Variants in TMEM132D observed in about 807,000 individuals in gnomAD.
TMEM132D encodes mature OL transmembrane protein.
A neutral mutation model predicts 62.3 loss-of-function variants in TMEM132D; 21 were observed. The ratio of observed to expected loss-of-function variants is 0.34; its 90% confidence interval spans 0.24 to 0.49. TMEM132D has a LOEUF of 0.49. Ranked by LOEUF, TMEM132D falls within the 20% of genes least tolerant of loss-of-function variation. TMEM132D has a pLI of 0.99. For missense variants in TMEM132D, 1,346 were observed against 1,402.8 expected, an observed-to-expected ratio of 0.96 and a Z score of 0.65; for synonymous variants, 621 against 575.6, an observed-to-expected ratio of 1.08 and a Z score of -1.13.
chr12:129,233,466 T>C (rs1000709749), intron 4 of TMEM132D, among the ~76,000 whole-genome samples: 37 of 152,172 alleles, frequency 2.4e-4, no homozygotes, highest in Non-Finnish European at 1.2e-4. Context: ...ATAAGATGTA[T>C]TTTTGGTGAG....
intron 1 of TMEM132D, among the ~76,000 whole-genome samples, chr12:129,754,491 T>G (rs1870101903): frequency 6.6e-6 from 1 of 152,062 alleles, no homozygotes; most frequent in Non-Finnish European, 1.5e-5. Context: ...TTGTGACTGA[T>G]AGAATGAGGT....
At chr12:129,423,029 A>T (rs1436318454) in intron 3 of TMEM132D, among the ~76,000 whole-genome samples, 6 of 151,978 alleles carry the variant, frequency 3.9e-5, no homozygotes, top group Admixed American at 1.3e-4. Context: ...TCACTGCCTC[A>T]TCAGAGAAAG....
At chr12:129,626,469 T>C (rs1478926096) in intron 2 of TMEM132D, among the ~76,000 whole-genome samples, 1 of 152,248 alleles carries the variant, frequency 6.6e-6, no homozygotes, top group East Asian at 1.9e-4. Context: ...GCCAATTTTT[T>C]TTTTCTGAGA....
In TMEM132D at chr12:129,429,367, T is replaced by TTTTGTTTG. The variant is rs71082712; in HGVS notation, c.1116-91558_1116-91551dup. On this transcript the variant is annotated intron_variant, in intron 3 of 8. Coordinates refer to ENST00000422113, the MANE Select transcript of TMEM132D (RefSeq NM_133448.3). ...TAATAGAGGAAATTGCTTTATAGTT[T>TTTTGTTTG]TTTGTTTGTTTGTTTGTTTGTTTGT... 6.8e-3 allele frequency among the ~76,000 whole-genome samples: 1,036 copies of TTTTGTTTG among 151,728 alleles called. 7 individuals carry two copies. The highest frequency in any genetic ancestry group is 0.021 in the African/African-American group (873 of 41,298).
intron 3 of TMEM132D, among the ~76,000 whole-genome samples, chr12:129,426,208 C>G (rs1201891121): frequency 6.6e-6 from 1 of 152,140 alleles, no homozygotes; most frequent in African/African-American, 2.4e-5. Flanking sequence ...CATCCCATGA[C>G]TGCCTCATGG....
At chr12:129,131,610 A>AAAAGAAAG (rs36097196) in intron 5 of TMEM132D, among the ~76,000 whole-genome samples, 1,673 of 151,756 alleles carry the variant, frequency 0.011, 32 homozygotes, top group African/African-American at 0.037. Context: ...TCTGTCTAAA[A>AAAAGAAAG]AAAGAAAGAA....
At chr12:129,816,654 G>C (rs1030699484) in intron 1 of TMEM132D, among the ~76,000 whole-genome samples, 3 of 152,114 alleles carry the variant, frequency 2.0e-5, no homozygotes, top group African/African-American at 7.2e-5. Context: ...ATGGAAGAAA[G>C]ATCTATTTTG....
chr12:129,371,075 A>T lies in TMEM132D; in HGVS notation c.1116-33258T>A, dbSNP rs1348567528. Among the ~76,000 whole-genome samples the T allele has an allele frequency of 6.6e-6, 1 of 152,246 alleles. No homozygotes were observed. The highest frequency in any genetic ancestry group is 2.4e-5 in the African/African-American group (1 of 41,464). The stretch of plus-strand genomic sequence containing the variant: ...AAAAAACAGATAAATATTTGATGTG[A>T]TAGACCCAATTACCTTGATTCGATC... On this transcript the variant is annotated intron_variant, in intron 3 of 8. Transcript: ENST00000422113. This position sits in a 1 kb window ranked among gnomAD's most constrained non-coding sequence, Gnocchi z 4.3.
chr12:129,126,953 G>A (rs1202973255), intron 5 of TMEM132D, among the ~76,000 whole-genome samples: 3 of 152,336 alleles, frequency 2.0e-5, no homozygotes, highest in East Asian at 1.9e-4. Context: ...TGTTGGGCAT[G>A]TGATGCCCTG....
At chr12:129,705,258 T>C (rs778503010) in intron 1 of TMEM132D, among the ~76,000 whole-genome samples, 10 of 152,092 alleles carry the variant, frequency 6.6e-5, no homozygotes, top group Non-Finnish European at 1.2e-4. Flanking sequence ...CATTCCCGGG[T>C]TTATATACAT....
chr12:129,814,424 C>G (rs541528636), intron 1 of TMEM132D, among the ~76,000 whole-genome samples: 13 of 152,040 alleles, frequency 8.6e-5, no homozygotes, highest in Non-Finnish European at 1.6e-4. Context: ...GCCTGACCAA[C>G]ATGTAGAAAC....
intron 3 of TMEM132D, among the ~76,000 whole-genome samples, chr12:129,350,546 A>G (rs1207023340): frequency 6.6e-6 from 1 of 152,244 alleles, no homozygotes; most frequent in Non-Finnish European, 1.5e-5. Context: ...GGGATGGGTA[A>G]CATAAATACA....
intron 1 of TMEM132D, among the ~76,000 whole-genome samples, chr12:129,768,848 T>C (rs763485322): frequency 1.3e-5 from 2 of 152,190 alleles, no homozygotes; most frequent in Admixed American, 6.5e-5. Flanking sequence ...CTTACATACA[T>C]CAGGTGATAC....
chr12:129,816,384 C>G (rs1872345988), intron 1 of TMEM132D, among the ~76,000 whole-genome samples: 1 of 152,148 alleles, frequency 6.6e-6, no homozygotes, highest in Non-Finnish European at 1.5e-5. Flanking sequence ...CCACTTTGGA[C>G]AGAACAGCTG....
In TMEM132D at chr12:129,465,725, C is replaced by G. The variant is rs551149506; in HGVS notation, c.1115+65334G>C. Among the ~76,000 whole-genome samples, 59 of 152,310 alleles carry G rather than the reference C, an allele frequency of 3.9e-4. 1 individual carries two copies. In the South Asian group the frequency reaches 0.012, roughly 30 times the overall value. On this transcript the variant is annotated intron_variant, in intron 3 of 8. Coordinates refer to ENST00000422113, the MANE Select transcript of TMEM132D (RefSeq NM_133448.3). ...TATGAGACAGTCTTGCTCTGTCACCCAGGCTGGAGTGCAGTGGAGCTATCT... is the reference window on the plus strand; with the variant it reads ...TATGAGACAGTCTTGCTCTGTCACCGAGGCTGGAGTGCAGTGGAGCTATCT...
At chr12:129,392,312 C>A (rs1593362486) in intron 3 of TMEM132D, among the ~76,000 whole-genome samples, 1 of 152,108 alleles carries the variant, frequency 6.6e-6, no homozygotes, top group Non-Finnish European at 1.5e-5. Flanking sequence ...CCCACCTCAG[C>A]CTCCCAAAGT....
At chr12:129,426,137 G>A (rs932277457) in intron 3 of TMEM132D, among the ~76,000 whole-genome samples, 8 of 152,122 alleles carry the variant, frequency 5.3e-5, no homozygotes, top group African/African-American at 1.2e-4. Flanking sequence ...CATTTTTCTC[G>A]AAGGGTCTGC....
At chr12:129,766,670 G>A (rs1157742137) in intron 1 of TMEM132D, among the ~76,000 whole-genome samples, 1 of 152,110 alleles carries the variant, frequency 6.6e-6, no homozygotes, top group African/African-American at 2.4e-5. Flanking sequence ...TCTGCAATGG[G>A]TCTGTATAAA....
At chr12:129,423,283 A>G (rs1593373856) in intron 3 of TMEM132D, among the ~76,000 whole-genome samples, 2 of 152,302 alleles carry the variant, frequency 1.3e-5, no homozygotes, top group Non-Finnish European at 2.9e-5. Context: ...ATAAACAGGA[A>G]ACAGTGCTCT....
Sources: allele counts gnomAD v4.1 joint callset (sites outside exome capture counted in the v4.1 genomes callset), GRCh38; gene constraint gnomAD v4.1.1; non-coding constraint Gnocchi (gnomAD v3.1); transcripts MANE v1.5; gene names NCBI Gene and HGNC (gene_info 2026-07-23, HGNC 2026-07-21).